The following VSNL1 variants were observed in gnomAD, a reference collection of about 807,000 sequenced individuals.
VSNL1 encodes visinin-like protein 1.
A neutral mutation model predicts 20.4 loss-of-function variants in VSNL1; 6 were observed. The observed-to-expected ratio is 0.29, with a 90% CI of 0.16 to 0.58. VSNL1 has a LOEUF of 0.58. Among genes scored for constraint, VSNL1 ranks in the 20% least tolerant of loss-of-function variants. The pLI is 0.90. For missense variants in VSNL1, 100 were observed against 234.5 expected, an observed-to-expected ratio of 0.43 and a Z score of 3.75; for synonymous variants, 93 against 86.4, an observed-to-expected ratio of 1.08 and a Z score of -0.42.
At chr2:17,599,166 T>TA (rs989328334) in intron 2 of VSNL1, among the ~76,000 whole-genome samples, 4 of 151,826 alleles carry the variant, frequency 2.6e-5, no homozygotes, top group African/African-American at 7.3e-5. Context: ...GAAGATAGGG[T>TA]AAAAAAATAC....
At chr2:17,604,208 G>T (rs1278530686) in intron 2 of VSNL1, among the ~76,000 whole-genome samples, 2 of 152,238 alleles carry the variant, frequency 1.3e-5, no homozygotes, top group African/African-American at 4.8e-5. Flanking sequence ...AAAGGACTTA[G>T]ACAAACAGGG....
intron 2 of VSNL1, among the ~76,000 whole-genome samples, chr2:17,624,316 G>T (rs1665453840): frequency 6.6e-6 from 1 of 152,190 alleles, no homozygotes; most frequent in Non-Finnish European, 1.5e-5. Flanking sequence ...TCATCTCTCT[G>T]TGCCTTTTGT....
At chr2:17,560,101 A>G (rs1663778986) in intron 1 of VSNL1, among the ~76,000 whole-genome samples, 1 of 151,720 alleles carries the variant, frequency 6.6e-6, no homozygotes, top group Non-Finnish European at 1.5e-5. Flanking sequence ...ATTTAGGATT[A>G]AAAAATGAAA....
chr2:17,623,651 CAG>C (rs1665437011), intron 2 of VSNL1, among the ~76,000 whole-genome samples: 1 of 112,384 alleles, frequency 8.9e-6, no homozygotes, highest in Non-Finnish European at 1.7e-5. Flanking sequence ...GCCTGGGCGA[CAG>C]AGTGAGACTC....
chr2:17,582,920 GAATT>G (rs1189446985), intron 1 of VSNL1, among the ~76,000 whole-genome samples: 1 of 152,022 alleles, frequency 6.6e-6, no homozygotes, highest in African/African-American at 2.4e-5. Context: ...ATAAATGAAT[GAATT>G]GACTCATTTT....
intron 2 of VSNL1, among the ~76,000 whole-genome samples, chr2:17,635,676 C>T (rs139267872): frequency 1.3e-5 from 2 of 152,322 alleles, no homozygotes; most frequent in African/African-American, 4.8e-5. Context: ...CCTCAGAGGA[C>T]TGTTGTGAGA....
intron 1 of VSNL1, among the ~76,000 whole-genome samples, chr2:17,574,696 A>C (rs1303637409): frequency 6.6e-6 from 1 of 152,162 alleles, no homozygotes; most frequent in Non-Finnish European, 1.5e-5. Context: ...TCCATGCTGT[A>C]ATCTTTGGGT....
intron 2 of VSNL1, among the ~76,000 whole-genome samples, chr2:17,604,101 G>T (rs970213863): frequency 1.3e-5 from 2 of 152,220 alleles, no homozygotes; most frequent in Non-Finnish European, 2.9e-5. Flanking sequence ...TAGGTGAGCT[G>T]CGGCCTTGGG....
intron 2 of VSNL1, among the ~76,000 whole-genome samples, chr2:17,601,201 A>G (rs1664812153): frequency 6.6e-6 from 1 of 152,202 alleles, no homozygotes; most frequent in Non-Finnish European, 1.5e-5. Context: ...GAAGTCTCTC[A>G]GTCCACTCCC....
At chr2:17,640,021 G>A (rs1397774157) in intron 2 of VSNL1, among the ~76,000 whole-genome samples, 3 of 152,130 alleles carry the variant, frequency 2.0e-5, no homozygotes, top group South Asian at 2.1e-4. Flanking sequence ...AGGCCAAGGC[G>A]GGAAGATCAC....
chr2:17,568,610 G>A (rs1372743142), intron 1 of VSNL1, among the ~76,000 whole-genome samples: 1 of 152,094 alleles, frequency 6.6e-6, no homozygotes, highest in Non-Finnish European at 1.5e-5. Context: ...TATGTTTGTT[G>A]CACCTTAGTT....
At chr2:17,566,290 T>C (rs867185693) in intron 1 of VSNL1, among the ~76,000 whole-genome samples, 1 of 152,228 alleles carries the variant, frequency 6.6e-6, no homozygotes, top group Admixed American at 6.5e-5. Flanking sequence ...GATCATGCTC[T>C]ATATGCATCT....
chr2:17,589,964 C>A (rs1029664337), intron 1 of VSNL1, among the ~76,000 whole-genome samples: 1 of 147,134 alleles, frequency 6.8e-6, no homozygotes, highest in African/African-American at 2.5e-5. Flanking sequence ...TGTTCCTTCT[C>A]CTGAAATGTC....
At position 17,554,820 on chromosome 2, in the gene VSNL1, A is replaced by G. The variant is rs147947092; in HGVS notation, c.-6+13902A>G. Among the ~76,000 whole-genome samples the G allele has an allele frequency of 9.9e-5, 15 of 152,258 alleles. 1 individual carries two copies. The East Asian group carries it at 2.7e-3, about 27-fold the overall frequency. ...CTATTACTAAGTTATATTTTCCTCC[A>G]TTTTCAATATTGTTTTCTAATAGAG... On this transcript the variant is annotated intron_variant, in intron 1 of 3. Transcript: ENST00000295156.
intron 1 of VSNL1, among the ~76,000 whole-genome samples, chr2:17,590,927 A>C (rs1431890792): frequency 6.6e-6 from 1 of 152,186 alleles, no homozygotes; most frequent in African/African-American, 2.4e-5. Context: ...TCCAATTTTC[A>C]AGTTTAACTT....
chr2:17,545,956 T>C (rs1349682723), intron 1 of VSNL1: 1 of 152,088 alleles, frequency 6.6e-6, no homozygotes. Flanking sequence ...ACCTGCTGTG[T>C]AACCATCAAT....
intron 1 of VSNL1, among the ~76,000 whole-genome samples, chr2:17,580,753 C>G (rs1013455417): frequency 2.0e-5 from 3 of 152,126 alleles, no homozygotes; most frequent in African/African-American, 4.8e-5. Context: ...GGAAAGAAAA[C>G]GAAACTCAGA....
At chr2:17,622,601 A>C (rs189559300) in intron 2 of VSNL1, among the ~76,000 whole-genome samples, 1 of 126,612 alleles carries the variant, frequency 7.9e-6, no homozygotes, top group African/African-American at 2.7e-5. Flanking sequence ...AGAAAGAAAG[A>C]AAAGAAAGAA....
At chr2:17,627,316 A>G (rs888444220) in intron 2 of VSNL1, among the ~76,000 whole-genome samples, 7 of 152,210 alleles carry the variant, frequency 4.6e-5, no homozygotes, top group Admixed American at 1.3e-4. Flanking sequence ...AGATAGATAA[A>G]AGATGACCTT....
Sources: gnomAD v4.1 joint callset for allele counts (sites outside exome capture counted in the v4.1 genomes callset) on GRCh38, gnomAD v4.1.1 for gene constraint, MANE v1.5 for transcripts, NCBI Gene and HGNC (gene_info 2026-07-23, HGNC 2026-07-21) for gene names.